NRDE2: variants seen among roughly 807,000 people sequenced by gnomAD.
NRDE2 encodes NRDE-2, necessary for RNA interference, domain containing, also known as nuclear exosome regulator NRDE2.
A neutral mutation model predicts 124.2 loss-of-function variants in NRDE2; 76 were observed. That is an observed-to-expected ratio of 0.61 (90% confidence interval 0.51 to 0.74). The LOEUF (loss-of-function observed/expected upper bound fraction) is 0.74, where lower values mean the gene tolerates loss of function less well. Among genes scored for constraint, NRDE2 ranks in the 30% least tolerant of loss-of-function variants. The pLI is 0.00. For synonymous variants in NRDE2, 489 were observed against 528.1 expected, an observed-to-expected ratio of 0.93 and a Z score of 1.01; for missense variants, 1,314 against 1,417.3, an observed-to-expected ratio of 0.93 and a Z score of 1.17.
Position 90,301,099 on chromosome 14 carries a change from A to G in NRDE2, c.1545+140T>C, listed in dbSNP as rs1884382360. ...GAGAATTCCTCCTCAGCAGACTGAT[A>G]TAAAGGAGGATATGATATTTTAAAA... On this transcript the variant is annotated intron_variant, in intron 7 of 13. Coordinates refer to ENST00000354366, the MANE Select transcript of NRDE2 (RefSeq NM_017970.4). 3.8e-6 allele frequency: 3 copies of G among 791,472 alleles called. No individual in the cohort carries two copies. The Admixed American group carries it at 7.2e-5, about 19-fold the overall frequency. The allele number at this position is 791,472 out of a possible 1,614,324, so 49.0% of individuals were successfully genotyped here.
Position 90,273,970 on chromosome 14 carries a change from A to AAAG in NRDE2, c.*4363_*4365dup, listed in dbSNP as rs1222678673. 7.1e-6 allele frequency: 1 copy of AAAG among 140,048 alleles called. No individual in the cohort carries two copies. Among genetic ancestry groups the AAAG allele is most frequent in the African/African-American group, 2.5e-5 (1 of 39,798 alleles). The allele number at this position is 140,048 out of a possible 1,614,324, so 8.7% of individuals were successfully genotyped here. ...TGATCCAGGATAATTTCCCTGTTTT[A>AAAG]AAGTTTACAATCTTCTTAATTTTTA... On this transcript the variant is annotated 3_prime_UTR_variant, in exon 14 of 14. Transcript: ENST00000354366.
intron 6 of NRDE2, among the ~76,000 whole-genome samples, chr14:90,302,367 C>G (rs1884434958): frequency 6.6e-6 from 1 of 152,204 alleles, no homozygotes; most frequent in Non-Finnish European, 1.5e-5. Flanking sequence ...CAGGGCATCT[C>G]ACGGACATTA....
chr14:90,315,522 G>A (rs1885013469), intron 3 of NRDE2, among the ~76,000 whole-genome samples: 1 of 152,150 alleles, frequency 6.6e-6, no homozygotes, highest in Non-Finnish European at 1.5e-5. Flanking sequence ...AATTCAGGTA[G>A]TTTCACCATA....
chr14:90,301,447 G>C (rs1884399964), intron 6 of NRDE2, 75 bp from the exon 7 acceptor site: 1 of 1,424,220 alleles, frequency 7.0e-7, no homozygotes, highest in South Asian at 1.2e-5. Flanking sequence ...TCTCAAAACA[G>C]GCAATTAACA....
intron 4 of NRDE2, among the ~76,000 whole-genome samples, chr14:90,309,404 C>T (rs1391650900): frequency 2.2e-5 from 3 of 139,170 alleles, no homozygotes; most frequent in African/African-American, 5.4e-5. Context: ...ACCTGGCAGG[C>T]GGAGGTTGCA....
Position 90,278,144 on chromosome 14 carries a change from A to G in NRDE2, c.*192T>C, listed in dbSNP as rs562594137. On this transcript the variant is annotated 3_prime_UTR_variant, in exon 14 of 14. Coordinates refer to ENST00000354366, the MANE Select transcript of NRDE2 (RefSeq NM_017970.4). ...ACATATTCACATATATAATATGTAA[A>G]TAACTTTTGTGTCATTTACACACCC... The G allele has an allele frequency of 5.3e-5, 31 of 587,718 alleles. No individual in the cohort carries two copies. Among genetic ancestry groups the G allele is most frequent in the South Asian group, 5.2e-4 (26 of 49,784 alleles). 36.4% of individuals were successfully genotyped at this position (587,718 alleles called of 1,614,324 possible). A position where few individuals can be genotyped will look rare whatever the true frequency, so the allele number is the denominator to read the frequency against.
At chr14:90,307,109 G>A (rs370262379) in intron 4 of NRDE2, among the ~76,000 whole-genome samples, 1 of 152,162 alleles carries the variant, frequency 6.6e-6, no homozygotes, top group East Asian at 1.9e-4. Flanking sequence ...GACACTATAT[G>A]TGTTTCAGTA....
chr14:90,288,163 G>A (rs1265374444), intron 11 of NRDE2, 54 bp downstream of exon 11: 8 of 1,527,988 alleles, frequency 5.2e-6, no homozygotes, highest in African/African-American at 4.1e-5. Flanking sequence ...GGGCAACACA[G>A]CAAGCATTCC....
At chr14:90,320,357 G>A (rs1486757343) in intron 1 of NRDE2, among the ~76,000 whole-genome samples, 2 of 152,136 alleles carry the variant, frequency 1.3e-5, no homozygotes, top group East Asian at 3.9e-4. Flanking sequence ...GAGCAAAGGG[G>A]GAAGAGCCCC....
chr14:90,270,418 G>GC lies in NRDE2; in HGVS notation c.*7917_*7918insG. 6.6e-7 allele frequency: 1 copy of GC among 1,525,660 alleles called. No homozygotes were observed. Among genetic ancestry groups the GC allele is most frequent in the Non-Finnish European group, 8.8e-7 (1 of 1,133,402 alleles). 94.5% of individuals were successfully genotyped at this position (1,525,660 alleles called of 1,614,324 possible). A position where few individuals can be genotyped will look rare whatever the true frequency, so the allele number is the denominator to read the frequency against. The stretch of plus-strand genomic sequence containing the variant: ...CCGTCAATCAGGAAAGAGTCTATAT[G>GC]TGCTCTTGGGATGGTGGTTGGCCTG... On this transcript the variant is annotated 3_prime_UTR_variant, in exon 14 of 14. Transcript: ENST00000354366.
At chr14:90,290,073 A>C in intron 10 of NRDE2, 148 bp downstream of exon 10, 1 of 809,918 alleles carries the variant, frequency 1.2e-6, no homozygotes, top group Non-Finnish European at 1.9e-6. Context: ...CAGAAGGGCA[A>C]ACACACACAA....
In NRDE2 at chr14:90,288,678, G is replaced by T; in HGVS notation, c.2697C>A (p.Ser899=). Residue 899 remains serine, a synonymous_variant, in exon 11 of 14, where the codon TCC becomes TCA. Transcript: ENST00000354366. ...SCVSNPAPTD[S]CSRLISLAKC... ...TAGCCAGGCTAATTAGGCGGCTACA[G>T]GAATCGGTGGGAGCTGGATTGGAGA... is the stretch of plus-strand genomic sequence containing the variant. 3.7e-6 allele frequency: 6 copies of T among 1,614,202 alleles called. 1 individual carries two copies. In the Middle Eastern group the frequency reaches 9.9e-4, roughly 266 times the overall value.
rs2139654063 is a variant in NRDE2, at chr14:90,272,203, G to GT, written c.*6132dup. On this transcript the variant is annotated 3_prime_UTR_variant, in exon 14 of 14. Coordinates refer to ENST00000354366, the MANE Select transcript of NRDE2 (RefSeq NM_017970.4). This position sits in a 1 kb window ranked among gnomAD's most constrained non-coding sequence, Gnocchi z 4.5. ...GCCACCGCGCCTGGCCTCAGAATAG[G>GT]TTTTTTGGAATTCCTTGTTAGAATA... 1.3e-6 allele frequency: 2 copies of GT among 1,572,506 alleles called. No individual in the cohort carries two copies. Among genetic ancestry groups the GT allele is most frequent in the Non-Finnish European group, 1.7e-6 (2 of 1,161,332 alleles).
chr14:90,311,528 A>G (rs536812770), intron 4 of NRDE2, among the ~76,000 whole-genome samples: 1 of 152,316 alleles, frequency 6.6e-6, no homozygotes, highest in South Asian at 2.1e-4. Context: ...GCCACCATGT[A>G]AGACGTGCCT....
chr14:90,285,725 T>A (rs570897419), intron 12 of NRDE2, among the ~76,000 whole-genome samples: 8 of 152,292 alleles, frequency 5.3e-5, no homozygotes, highest in Non-Finnish European at 1.2e-4. Flanking sequence ...CTCAAACTCC[T>A]GGGCTCAAAG....
chr14:90,305,314 G>C (rs866424580), intron 4 of NRDE2, among the ~76,000 whole-genome samples: 1 of 152,202 alleles, frequency 6.6e-6, no homozygotes, highest in African/African-American at 2.4e-5. Context: ...ACTCTCATCC[G>C]CTGTCAGCGG....
Position 90,302,726 on chromosome 14 carries a change from T to C in NRDE2, c.1405A>G (p.Met469Val). 1.2e-6 allele frequency: 2 copies of C among 1,603,432 alleles called. No homozygotes were observed. The highest frequency in any genetic ancestry group is 1.7e-5 in the Admixed American group (1 of 58,590). ...HPALPGTEEA[M>V]FALFLQQCHF... is the part of the protein sequence containing the mutation. Reference sequence around the variant, plus strand: ...GATCTGGTTATCTCCTTACCAAACATGGCCTCTTCCGTGCCAGGCAACGCA... The same window carrying C: ...GATCTGGTTATCTCCTTACCAAACACGGCCTCTTCCGTGCCAGGCAACGCA... The change falls in exon 6 of 14, where the codon ATG becomes GTG. Residue 469 changes from methionine to valine, a missense_variant. Coordinates refer to ENST00000354366, the MANE Select transcript of NRDE2 (RefSeq NM_017970.4).
At chr14:90,292,048 T>C (rs1411781609) in intron 9 of NRDE2, among the ~76,000 whole-genome samples, 1 of 152,226 alleles carries the variant, frequency 6.6e-6, no homozygotes, top group Admixed American at 6.5e-5. Flanking sequence ...ATTTCTTCAT[T>C]TTAATTTAAA....
intron 1 of NRDE2, among the ~76,000 whole-genome samples, chr14:90,319,260 G>A (rs570255239): frequency 3.9e-5 from 6 of 152,292 alleles, no homozygotes; most frequent in African/African-American, 1.4e-4. Flanking sequence ...TCCTAAAGAG[G>A]AAGAACCCGT....
Sources: gnomAD v4.1 joint callset for allele counts (sites outside exome capture counted in the v4.1 genomes callset) on GRCh38, gnomAD v4.1.1 for gene constraint, Gnocchi (gnomAD v3.1) non-coding constraint, MANE v1.5 for transcripts, NCBI Gene and HGNC (gene_info 2026-07-23, HGNC 2026-07-21) for gene names.